RNF166: variants seen among roughly 807,000 people sequenced by gnomAD.
RNF166 encodes E3 ubiquitin-protein ligase RNF166.
In RNF166, 19 loss-of-function variants were observed where a neutral mutation model predicts 29.4. That is an observed-to-expected ratio of 0.65 (90% CI 0.45 to 0.95). The LOEUF (loss-of-function observed/expected upper bound fraction) is 0.95. RNF166 is among the 40% of genes least tolerant of loss of function. The pLI, the probability that RNF166 is intolerant of heterozygous loss-of-function variation, is 0.00. For synonymous variants in RNF166, 171 were observed against 134.5 expected (o/e 1.27, Z -1.88); for missense variants, 347 against 322.1 (o/e 1.08, Z -0.59).
intron 5 of RNF166, chr16:88,698,240 G>A: frequency 1.5e-6 from 1 of 653,960 alleles, no homozygotes; most frequent in South Asian, 1.6e-5. Flanking sequence ...GTTCTGTGGG[G>A]TGGGCAGGCA....
intron 1 of RNF166, chr16:88,704,349 A>G (rs1473746842): frequency 1.0e-6 from 1 of 985,446 alleles, no homozygotes; most frequent in East Asian, 1.1e-4. Context: ...GCTGTGTGAA[A>G]AGCTCTTGCA....
intron 1 of RNF166, among the ~76,000 whole-genome samples, chr16:88,705,479 C>T (rs1009754220): frequency 2.0e-5 from 3 of 152,220 alleles, no homozygotes; most frequent in Non-Finnish European, 4.4e-5. Flanking sequence ...TACTTGAGCA[C>T]AGCTCCCCGC....
intron 1 of RNF166, among the ~76,000 whole-genome samples, chr16:88,702,024 C>T (rs1910290688): frequency 6.6e-6 from 1 of 152,202 alleles, no homozygotes; most frequent in Non-Finnish European, 1.5e-5. Flanking sequence ...GGCTCGGGTC[C>T]TGGGCACCCA....
At chr16:88,699,932 C>A in intron 2 of RNF166, 200 bp from the exon 3 acceptor site, 1 of 473,926 alleles carries the variant, frequency 2.1e-6, no homozygotes, top group South Asian at 3.1e-5. Context: ...AAAAGCAAGT[C>A]ACTGCAGGAC....
rs147170377 is a variant in RNF166, at chr16:88,703,706, G to A, written c.156-2288C>T. On this transcript the variant is annotated intron_variant, in intron 1 of 5. Coordinates refer to ENST00000312838, the MANE Select transcript of RNF166 (RefSeq NM_178841.4). ...TTCTCAGCTGAAGGAAGTGGCTGAG[G>A]GCGATGGGTGTGGGGGCGTCGACAG... 315 of 985,518 alleles carry A rather than the reference G, an allele frequency of 3.2e-4. No homozygotes were observed. The African/African-American group carries it at 5.0e-3, about 16-fold the overall frequency. 61.0% of individuals were successfully genotyped at this position (985,518 alleles called of 1,614,324 possible).
intron 1 of RNF166, chr16:88,704,414 G>A (rs1415637272): frequency 3.0e-6 from 3 of 985,310 alleles, no homozygotes; most frequent in South Asian, 4.7e-5. Context: ...GCATGGCAGA[G>A]GGGAGTTTTA....
chr16:88,701,236 C>T (rs1180452127), intron 2 of RNF166, 26 bp downstream of exon 2: 2 of 1,613,002 alleles, frequency 1.2e-6, no homozygotes, highest in Non-Finnish European at 1.7e-6. Flanking sequence ...GACCCCGGCT[C>T]CAGGGCGGCC....
intron 1 of RNF166, chr16:88,702,818 C>G (rs1418547016): frequency 3.0e-6 from 3 of 985,380 alleles, no homozygotes; most frequent in Non-Finnish European, 3.6e-6. Flanking sequence ...TTTCCAGGGT[C>G]ATCCCTGGCA....
intron 1 of RNF166, chr16:88,702,855 G>C: frequency 3.0e-6 from 3 of 985,510 alleles, no homozygotes; most frequent in African/African-American, 1.7e-5. Flanking sequence ...AGCCGGGGGG[G>C]CCGCCTACTT....
intron 1 of RNF166, chr16:88,704,318 A>G: frequency 4.1e-6 from 4 of 985,466 alleles, no homozygotes; most frequent in African/African-American, 1.7e-5. Flanking sequence ...AGTCGGGGAG[A>G]AAAATCTTTG....
Position 88,699,723 on chromosome 16 carries a change from C to T in RNF166, c.322G>A (p.Ala108Thr), listed in dbSNP as rs1244704819. The change falls in exon 3 of 6, where the codon GCA becomes ACA. Residue 108 changes from alanine to threonine, a missense_variant. By Grantham distance (58) the Ala-to-Thr change is moderately conservative (BLOSUM62 0). Coordinates refer to ENST00000312838, the MANE Select transcript of RNF166 (RefSeq NM_178841.4). Reference sequence around the variant, plus strand: ...GACGAAATGTGCACTCTCATCTTTGCCAGGGTCACCTAGGAGACAGGGCAG... The same window carrying T: ...GACGAAATGTGCACTCTCATCTTTGTCAGGGTCACCTAGGAGACAGGGCAG... ...CRGCNKKVTL[A>T]KMRVHISSCL... 3.1e-6 allele frequency: 5 copies of T among 1,612,194 alleles called. No homozygotes were observed. The highest frequency in any genetic ancestry group is 2.2e-5 in the East Asian group (1 of 44,848).
intron 3 of RNF166, 80 bp from the exon 4 acceptor site, chr16:88,699,165 T>C (rs1909950424): frequency 9.6e-7 from 1 of 1,038,512 alleles, no homozygotes; most frequent in African/African-American, 1.6e-5. Context: ...AACACAGGCG[T>C]GGCCCCAGGC....
chr16:88,704,764 C>T (rs1328594299), intron 1 of RNF166, among the ~76,000 whole-genome samples: 1 of 152,182 alleles, frequency 6.6e-6, no homozygotes, highest in Non-Finnish European at 1.5e-5. Flanking sequence ...CTGAGACGGG[C>T]AGGTCACCGG....
intron 2 of RNF166, chr16:88,700,484 C>T: frequency 4.0e-6 from 2 of 502,442 alleles, no homozygotes; most frequent in Non-Finnish European, 5.1e-6. Flanking sequence ...CTCTGGAGTC[C>T]AGGGCAGCCC....
At chr16:88,701,758 G>T (rs941273593) in intron 1 of RNF166, 1 of 279,798 alleles carries the variant, frequency 3.6e-6, no homozygotes, top group African/African-American at 2.2e-5. Context: ...ACGTTCACGT[G>T]GCGACAACAC....
chr16:88,703,163 T>G, intron 1 of RNF166: 1 of 985,066 alleles, frequency 1.0e-6, no homozygotes, highest in Non-Finnish European at 1.2e-6. Flanking sequence ...AGAAACCCAG[T>G]GACCAGAAAG....
chr16:88,703,722 G>A (rs775238649), intron 1 of RNF166: 3 of 985,398 alleles, frequency 3.0e-6, no homozygotes, highest in Non-Finnish European at 3.6e-6. Flanking sequence ...GGGTGTGGGG[G>A]CGTCGACAGC....
Position 88,699,638 on chromosome 16 carries a change from G to T in RNF166, c.407C>A (p.Thr136Lys). Residue 136 changes from threonine (T) to lysine (K), a missense_variant, in exon 3 of 6, where the codon ACA becomes AAA. Physicochemically the swap from Thr to Lys is moderately conservative, Grantham distance 78 (BLOSUM62 -1). Transcript: ENST00000312838. The stretch of plus-strand genomic sequence containing the variant: ...TGCCTACCTGGGGATAGGCTGTGAT[G>T]TGGGCACCACGGGGACGAACTTGGG... ...NCPKFVPVVP[T>K]SQPIPSNIPN... 6.2e-7 allele frequency: 1 copy of T among 1,613,102 alleles called. No homozygotes were observed. The highest frequency in any genetic ancestry group is 8.5e-7 in the Non-Finnish European group (1 of 1,179,616).
At chr16:88,698,853 C>T in intron 4 of RNF166, 118 bp downstream of exon 4, 1 of 821,524 alleles carries the variant, frequency 1.2e-6, no homozygotes, top group Non-Finnish European at 2.0e-6. Flanking sequence ...CCCTGGGTCC[C>T]AGGAGGCCTT....
Sources: allele counts gnomAD v4.1 joint callset (sites outside exome capture counted in the v4.1 genomes callset), GRCh38; gene constraint gnomAD v4.1.1; transcripts MANE v1.5; gene names NCBI Gene and HGNC (gene_info 2026-07-23, HGNC 2026-07-21).